Variants in LHPP observed in about 807,000 individuals in gnomAD.
The protein encoded by LHPP is phospholysine phosphohistidine inorganic pyrophosphate phosphatase, also known as hLHPP.
Under a neutral mutation model 30.3 loss-of-function variants are expected in LHPP, and 24 were observed. That is an observed-to-expected ratio of 0.79 (90% CI 0.57 to 1.11). The LOEUF (loss-of-function observed/expected upper bound fraction) is 1.11. Ranked by LOEUF, LHPP falls within the 50% of genes most tolerant of loss-of-function variation. The pLI, the probability that LHPP is intolerant of heterozygous loss-of-function variation, is 0.00. For synonymous variants in LHPP, 150 were observed against 157.1 expected (o/e 0.95, Z 0.34); for missense variants, 356 against 367.2 (o/e 0.97, Z 0.25).
intron 6 of LHPP, among the ~76,000 whole-genome samples, chr10:124,551,450 C>G (rs1450425422): frequency 6.6e-6 from 1 of 152,188 alleles, no homozygotes; most frequent in Non-Finnish European, 1.5e-5. Flanking sequence ...GCTGCCTGCT[C>G]TGCAGGGTGG....
intron 1 of LHPP, among the ~76,000 whole-genome samples, chr10:124,472,714 C>T (rs1952821685): frequency 6.6e-6 from 1 of 152,076 alleles, no homozygotes; most frequent in South Asian, 2.1e-4. Flanking sequence ...CCTGCCACCA[C>T]GTCTGGCTAA....
chr10:124,485,867 C>T (rs769997728), intron 2 of LHPP, among the ~76,000 whole-genome samples: 34 of 152,318 alleles, frequency 2.2e-4, no homozygotes, highest in Non-Finnish European at 3.7e-4. Flanking sequence ...TCCCAAAGTG[C>T]TGGGATTACA....
intron 5 of LHPP, 37 bp downstream of exon 5, chr10:124,498,165 A>C (rs3832703): frequency 5.6e-5 from 86 of 1,542,258 alleles, no homozygotes; most frequent in Non-Finnish European, 7.2e-5. Flanking sequence ...CAGGGGAGGC[A>C]GCCCCGTCAG....
chr10:124,581,466 G>T (rs1361203251), intron 6 of LHPP, among the ~76,000 whole-genome samples: 1 of 152,146 alleles, frequency 6.6e-6, no homozygotes, highest in East Asian at 1.9e-4. Flanking sequence ...AATCACTTGA[G>T]GAATTGCCAG....
At chr10:124,468,375 A>T (rs12569880) in intron 1 of LHPP, among the ~76,000 whole-genome samples, 4,763 of 152,292 alleles carry the variant, frequency 0.031, 164 homozygotes, top group East Asian at 0.14. Flanking sequence ...ACAGCCTGTT[A>T]TGTAGCTGGG....
chr10:124,536,184 C>T (rs1955022404), intron 6 of LHPP, among the ~76,000 whole-genome samples: 1 of 152,242 alleles, frequency 6.6e-6, no homozygotes, highest in South Asian at 2.1e-4. Context: ...CCCTGCGGTC[C>T]ATGGGCTTGG....
At chr10:124,509,332 A>AT (rs1459123760) in intron 5 of LHPP, among the ~76,000 whole-genome samples, 1 of 152,142 alleles carries the variant, frequency 6.6e-6, no homozygotes, top group Non-Finnish European at 1.5e-5. Flanking sequence ...ATTGATGGAG[A>AT]TGAGGCTGCT....
At chr10:124,565,796 G>C (rs1011389425) in intron 6 of LHPP, among the ~76,000 whole-genome samples, 8 of 152,250 alleles carry the variant, frequency 5.3e-5, no homozygotes, top group Non-Finnish European at 8.8e-5. Context: ...CAGGAAGGCA[G>C]GGGGAAGGCT....
intron 6 of LHPP, among the ~76,000 whole-genome samples, chr10:124,518,134 C>G (rs1032473975): frequency 6.6e-6 from 1 of 152,222 alleles, no homozygotes; most frequent in Non-Finnish European, 1.5e-5. Context: ...GGAGCTGTGG[C>G]TGAGTGCGAG....
At chr10:124,476,991 A>G (rs1460246574) in intron 1 of LHPP, among the ~76,000 whole-genome samples, 1 of 152,176 alleles carries the variant, frequency 6.6e-6, no homozygotes, top group Non-Finnish European at 1.5e-5. Context: ...GCGGATCACG[A>G]GGTCAGGAGT....
chr10:124,482,154 A>T (rs1287456716), intron 1 of LHPP, among the ~76,000 whole-genome samples: 3 of 152,210 alleles, frequency 2.0e-5, no homozygotes, highest in Admixed American at 6.5e-5. Context: ...ATGGAAGTTG[A>T]TTTCAAGCCG....
At chr10:124,527,782 T>G (rs536286849) in intron 6 of LHPP, among the ~76,000 whole-genome samples, 553 of 54,682 alleles carry the variant, frequency 0.01, 1 homozygote, top group African/African-American at 0.024. Flanking sequence ...CTTTTTTTTT[T>G]TTGTTTTTTT....
chr10:124,472,376 T>A (rs1952806919), intron 1 of LHPP, among the ~76,000 whole-genome samples: 1 of 152,160 alleles, frequency 6.6e-6, no homozygotes, highest in Non-Finnish European at 1.5e-5. Flanking sequence ...TAGAAGTTTA[T>A]GTGAGTGCTG....
At chr10:124,555,017 T>C (rs1948270878) in intron 6 of LHPP, among the ~76,000 whole-genome samples, 5 of 152,224 alleles carry the variant, frequency 3.3e-5, no homozygotes, top group Admixed American at 3.3e-4. Flanking sequence ...AGTCTCACTT[T>C]AGGGTGAGGA....
chr10:124,484,255 C>T lies in LHPP; in HGVS notation c.242C>T (p.Thr81Ile), dbSNP rs759254159. Residue 81 changes from threonine (T) to isoleucine (I), a missense_variant, in exon 2 of 7, where the codon ACC becomes ATC. Thr to Ile is a moderately conservative substitution (Grantham distance 89). Coordinates refer to ENST00000368842, the MANE Select transcript of LHPP (RefSeq NM_022126.4). ...LGFDISEQEV[T>I]APAPAACQIL... ...TTTGACATCTCTGAGCAGGAGGTGA[C>T]CGCCCCGGCACCAGCTGCCTGCCAG... is the stretch of plus-strand genomic sequence containing the variant. 4.3e-6 allele frequency: 7 copies of T among 1,613,888 alleles called. No homozygotes were observed. Among genetic ancestry groups the T allele is most frequent in the African/African-American group, 1.3e-5 (1 of 74,916 alleles).
intron 1 of LHPP, among the ~76,000 whole-genome samples, chr10:124,470,315 T>C (rs1349964426): frequency 1.3e-5 from 2 of 152,262 alleles, no homozygotes; most frequent in East Asian, 1.9e-4. Context: ...CTCGGCGTTT[T>C]TGGAGCCGGC....
At chr10:124,599,811 G>C (rs1948998638) in intron 6 of LHPP, among the ~76,000 whole-genome samples, 1 of 152,216 alleles carries the variant, frequency 6.6e-6, no homozygotes, top group African/African-American at 2.4e-5. Context: ...TCTGTGGACA[G>C]AGCCATCCAC....
At chr10:124,486,701 A>T (rs1285989167) in intron 2 of LHPP, among the ~76,000 whole-genome samples, 1 of 152,220 alleles carries the variant, frequency 6.6e-6, no homozygotes, top group African/African-American at 2.4e-5. Context: ...TGTGTGACTG[A>T]CTTTAGCGAC....
intron 6 of LHPP, among the ~76,000 whole-genome samples, chr10:124,607,842 C>A (rs2061070): frequency 0.084 from 12,728 of 152,266 alleles, 633 homozygotes; most frequent in Admixed American, 0.14. Flanking sequence ...GGACGTCAGA[C>A]CCGGGCCGCG....
Sources: gnomAD v4.1 joint callset for allele counts (sites outside exome capture counted in the v4.1 genomes callset) on GRCh38, gnomAD v4.1.1 for gene constraint, MANE v1.5 for transcripts, NCBI Gene and HGNC (gene_info 2026-07-23, HGNC 2026-07-21) for gene names.